The following ZNF536 variants were observed in gnomAD, a reference collection of about 807,000 sequenced individuals.
ZNF536 encodes the protein zinc finger protein 536.
Under a neutral mutation model 84.5 loss-of-function variants are expected in ZNF536, and 13 were observed. The ratio of observed to expected loss-of-function variants is 0.15; its 90% CI spans 0.10 to 0.24. ZNF536 has a LOEUF of 0.24. Among genes scored for constraint, ZNF536 ranks in the 10% least tolerant of loss-of-function variants. The pLI, the probability that ZNF536 is intolerant of heterozygous loss-of-function variation, is 1.00. For missense variants in ZNF536, 1,536 were observed against 1,747.5 expected (o/e 0.88, Z 2.16); for synonymous variants, 811 against 742.5 (o/e 1.09, Z -1.50).
At chr19:30,487,471 A>G (rs2054344758) in intron 2 of ZNF536, among the ~76,000 whole-genome samples, 1 of 152,144 alleles carries the variant, frequency 6.6e-6, no homozygotes, top group African/African-American at 2.4e-5. Flanking sequence ...AAATGCCAAA[A>G]TAATTACTGC....
chr19:30,598,180 G>T (rs988331923), intron 1 of ZNF536, among the ~76,000 whole-genome samples: 3 of 152,144 alleles, frequency 2.0e-5, no homozygotes, highest in African/African-American at 7.2e-5. Flanking sequence ...CTTGCTTCTG[G>T]TTGTCCTATC....
intron 2 of ZNF536, among the ~76,000 whole-genome samples, chr19:30,302,650 C>T (rs1052452022): frequency 1.3e-5 from 2 of 152,070 alleles, no homozygotes; most frequent in East Asian, 1.9e-4. Flanking sequence ...GGTGAGCCCA[C>T]GAGCCTCTGG....
intron 1 of ZNF536, among the ~76,000 whole-genome samples, chr19:30,657,272 C>A (rs1242020011): frequency 6.6e-6 from 1 of 152,170 alleles, no homozygotes; most frequent in Non-Finnish European, 1.5e-5. Context: ...ACCAAAACTG[C>A]CTCAGCTTTA....
At chr19:30,272,737 G>T (rs1453644843) in intron 1 of ZNF536, among the ~76,000 whole-genome samples, 1 of 152,076 alleles carries the variant, frequency 6.6e-6, no homozygotes, top group East Asian at 1.9e-4. Context: ...TCTTTTCATG[G>T]TTAGATAGCT....
rs1471092231 is a variant in ZNF536, at chr19:30,444,741, G to T, written c.1179G>T (p.Lys393Asn). The T allele has an allele frequency of 6.2e-7, 1 of 1,613,892 alleles. No homozygotes were observed. Among genetic ancestry groups the T allele is most frequent in the African/African-American group, 1.3e-5 (1 of 74,952 alleles). Residue 393 changes from lysine (K) to asparagine (N), a missense_variant, in exon 2 of 5, where the codon AAG (lysine) becomes AAT (asparagine). Coordinates refer to ENST00000355537, the MANE Select transcript of ZNF536 (RefSeq NM_014717.3). ...CCTGGTTCCTCAAGAACCACATGAA[G>T]GTCCACCTCAACAAGCTGTCGGTGA... is the stretch of plus-strand genomic sequence containing the variant. The part of the protein sequence containing the change: ...KEPWFLKNHM[K>N]VHLNKLSVKN...
intron 1 of ZNF536, among the ~76,000 whole-genome samples, chr19:30,439,136 T>C (rs376184611): frequency 6.6e-6 from 1 of 151,970 alleles, no homozygotes; most frequent in South Asian, 2.1e-4. Flanking sequence ...CTCCCCACCC[T>C]TCCCTCAACA....
chr19:30,545,910 C>A (rs1168657045), intron 3 of ZNF536, among the ~76,000 whole-genome samples: 1 of 152,222 alleles, frequency 6.6e-6, no homozygotes, highest in African/African-American at 2.4e-5. Context: ...AGGTGCATTT[C>A]TAAAACACAG....
chr19:30,642,851 C>T (rs1225585447), intron 1 of ZNF536, among the ~76,000 whole-genome samples: 1 of 152,106 alleles, frequency 6.6e-6, no homozygotes, highest in East Asian at 1.9e-4. Flanking sequence ...GTCCTGAGCA[C>T]CTGAGTGAAA....
chr19:30,331,649 T>C (rs1475729961), intron 2 of ZNF536, among the ~76,000 whole-genome samples: 1 of 152,148 alleles, frequency 6.6e-6, no homozygotes, highest in Non-Finnish European at 1.5e-5. Flanking sequence ...CACTTGACCT[T>C]AGCCATCCAT....
intron 1 of ZNF536, among the ~76,000 whole-genome samples, chr19:30,442,809 G>T (rs1369926074): frequency 6.6e-6 from 1 of 152,168 alleles, no homozygotes; most frequent in Non-Finnish European, 1.5e-5. Context: ...CCTCGTTAAT[G>T]CTTCCTTGCA....
rs375657284 is a variant in ZNF536 at position 30,534,924 on chromosome 19, A to G, written c.2248A>G (p.Met750Val). 11 of 1,614,012 alleles carry G rather than the reference A, an allele frequency of 6.8e-6. No individual in the cohort carries two copies. In the Admixed American group the frequency reaches 1.5e-4, roughly 22 times the overall value. Residue 750 changes from methionine to valine, a missense_variant, in exon 3 of 5, where the codon ATG becomes GTG. Physicochemically the swap from Met to Val is conservative, Grantham distance 21. This residue lies in a region of ZNF536 where 148 missense variants were observed against 205.4 expected (regional missense o/e 0.72). Coordinates refer to ENST00000355537, the MANE Select transcript of ZNF536 (RefSeq NM_014717.3). ...LLRDRSLGSA[M>V]KDCPYCGKTF... Reference sequence around the variant, plus strand: ...TCGCGACAGAAGCCTGGGCTCGGCCATGAAGGACTGCCCGTACTGTGGGAA... The same window carrying G: ...TCGCGACAGAAGCCTGGGCTCGGCCGTGAAGGACTGCCCGTACTGTGGGAA...
At chr19:30,313,130 CG>C (rs367987990) in intron 2 of ZNF536, among the ~76,000 whole-genome samples, 9 of 152,308 alleles carry the variant, frequency 5.9e-5, no homozygotes, top group African/African-American at 2.2e-4. Flanking sequence ...ACACAGAGCC[CG>C]GGGCACTCAC....
intron 1 of ZNF536, among the ~76,000 whole-genome samples, chr19:30,393,624 T>A (rs1382742275): frequency 1.3e-5 from 2 of 152,094 alleles, no homozygotes; most frequent in African/African-American, 2.4e-5. Flanking sequence ...AGGGGTTACA[T>A]GGAAACATCT....
intron 1 of ZNF536, among the ~76,000 whole-genome samples, chr19:30,620,792 C>T (rs2048456131): frequency 6.6e-6 from 1 of 152,120 alleles, no homozygotes; most frequent in Non-Finnish European, 1.5e-5. Context: ...AAAGGTCCTC[C>T]CTCCGGCAGA....
At chr19:30,255,679 C>T (rs2024878012) in intron 1 of ZNF536, among the ~76,000 whole-genome samples, 1 of 152,178 alleles carries the variant, frequency 6.6e-6, no homozygotes, top group South Asian at 2.1e-4. Context: ...CTTTCTGCAA[C>T]TTCAATACAG....
intron 1 of ZNF536, among the ~76,000 whole-genome samples, chr19:30,596,755 T>C (rs1053049105): frequency 6.6e-6 from 1 of 151,410 alleles, no homozygotes; most frequent in Non-Finnish European, 1.5e-5. Context: ...AAACTTTTTT[T>C]GCGAGTGTGT....
At chr19:30,656,185 C>T (rs902454212) in intron 1 of ZNF536, among the ~76,000 whole-genome samples, 2 of 152,148 alleles carry the variant, frequency 1.3e-5, no homozygotes, top group Non-Finnish European at 2.9e-5. Context: ...CAGTGCTGTC[C>T]TTGGTGTTAC....
intron 1 of ZNF536, among the ~76,000 whole-genome samples, chr19:30,263,881 TAC>T (rs35687647): frequency 0.45 from 66,454 of 147,728 alleles, 15,935 homozygotes; most frequent in East Asian, 0.71. Flanking sequence ...CACACACACA[TAC>T]ACACACACAC....
intron 1 of ZNF536, among the ~76,000 whole-genome samples, chr19:30,599,989 G>T (rs1343731800): frequency 8.6e-6 from 1 of 115,904 alleles, no homozygotes; most frequent in Non-Finnish European, 2.2e-5. Flanking sequence ...AGTGTCACTG[G>T]GGGAAAAAGT....
Sources: gnomAD v4.1 joint callset for allele counts (sites outside exome capture counted in the v4.1 genomes callset) on GRCh38, gnomAD v4.1.1 for gene constraint, gnomAD v4.1.1 regional missense constraint, MANE v1.5 for transcripts, NCBI Gene and HGNC (gene_info 2026-07-23, HGNC 2026-07-21) for gene names.